PHACTR1: variants seen among roughly 807,000 people sequenced by gnomAD.
The protein encoded by PHACTR1 is phosphatase and actin regulator 1, also known as RPEL repeat containing 1.
A neutral mutation model predicts 69.2 loss-of-function variants in PHACTR1; 16 were observed. That is an observed-to-expected ratio of 0.23 (90% confidence interval 0.16 to 0.35). PHACTR1 has a LOEUF of 0.35. Among genes scored for constraint, PHACTR1 ranks in the 10% least tolerant of loss-of-function variants. PHACTR1 has a pLI of 1.00. For missense variants in PHACTR1, 510 were observed against 734.7 expected (o/e 0.69, Z 3.54); for synonymous variants, 312 against 284.5 (o/e 1.10, Z -0.97).
At chr6:13,025,018 G>A (rs576576109) in intron 4 of PHACTR1, among the ~76,000 whole-genome samples, 1 of 152,278 alleles carries the variant, frequency 6.6e-6, no homozygotes, top group South Asian at 2.1e-4. Flanking sequence ...TATCAGGCCA[G>A]GCCCAAGCTG....
At chr6:13,149,780 C>A (rs1243587990) in intron 5 of PHACTR1, among the ~76,000 whole-genome samples, 1 of 151,966 alleles carries the variant, frequency 6.6e-6, no homozygotes, top group Non-Finnish European at 1.5e-5. Context: ...TGAATGCAGT[C>A]CAACACAAAT....
intron 4 of PHACTR1, among the ~76,000 whole-genome samples, chr6:12,868,667 A>G (rs1275389137): frequency 2.6e-5 from 4 of 152,170 alleles, no homozygotes; most frequent in Non-Finnish European, 5.9e-5. Flanking sequence ...AAGTTGTCAA[A>G]TTCTTTCTTA....
At chr6:12,995,682 A>G (rs1797344541) in intron 4 of PHACTR1, among the ~76,000 whole-genome samples, 1 of 152,032 alleles carries the variant, frequency 6.6e-6, no homozygotes, top group South Asian at 2.1e-4. Context: ...CTTAATAATG[A>G]TAAAGGGAAT....
intron 4 of PHACTR1, chr6:12,958,007 T>G (rs1426719571): frequency 1.0e-6 from 1 of 985,284 alleles, no homozygotes; most frequent in East Asian, 1.1e-4. Flanking sequence ...CGGATGCATG[T>G]GGGAGCAAAG....
intron 4 of PHACTR1, among the ~76,000 whole-genome samples, chr6:12,788,074 C>A (rs1286787076): frequency 6.6e-6 from 1 of 151,770 alleles, no homozygotes; most frequent in Non-Finnish European, 1.5e-5. Context: ...AGGAGGATAG[C>A]GTGAGTCTGG....
chr6:13,280,958 T>G, intron 12 of PHACTR1: 2 of 1,289,070 alleles, frequency 1.6e-6, no homozygotes, highest in Non-Finnish European at 2.0e-6. Flanking sequence ...GGTGGCCGTT[T>G]GTTAGTGCTG....
At chr6:12,816,226 C>A (rs150969221) in intron 4 of PHACTR1, among the ~76,000 whole-genome samples, 2 of 152,292 alleles carry the variant, frequency 1.3e-5, no homozygotes, top group African/African-American at 4.8e-5. Flanking sequence ...TTGATGATAC[C>A]TGATATATGC....
chr6:12,741,497 C>T (rs950109111), intron 3 of PHACTR1, among the ~76,000 whole-genome samples: 1 of 152,018 alleles, frequency 6.6e-6, no homozygotes, highest in Non-Finnish European at 1.5e-5. Context: ...ACTTGTGTAA[C>T]CACAAACTAT....
At chr6:12,727,061 T>G (rs1394612452) in intron 3 of PHACTR1, among the ~76,000 whole-genome samples, 2 of 152,194 alleles carry the variant, frequency 1.3e-5, no homozygotes, top group Non-Finnish European at 2.9e-5. Context: ...GTTATTGTTT[T>G]TCTCCATCAC....
chr6:13,230,166 G>A lies in PHACTR1; in HGVS notation c.1364G>A (p.Arg455Lys), dbSNP rs1232556327. 11 of 1,610,914 alleles carry A rather than the reference G, an allele frequency of 6.8e-6. No homozygotes were observed. Among genetic ancestry groups the A allele is most frequent in the Non-Finnish European group, 8.5e-6 (10 of 1,178,888 alleles). Residue 455 changes from arginine (R) to lysine (K), a missense_variant, in exon 10 of 15, where the codon AGG becomes AAG. Around this residue, in one of 2 missense-constraint regions of PHACTR1, gnomAD observed 91 missense variants for 203.8 expected, o/e 0.45. Coordinates refer to ENST00000332995, the MANE Select transcript of PHACTR1 (RefSeq NM_030948.6). ...RQTDEERLEL[R>K]QQIGTKLTRR... The stretch of plus-strand genomic sequence containing the variant: ...ACGGATGAGGAGCGGCTGGAGCTGA[G>A]GCAACAGATTGGCACCAAGCTCACC...
chr6:12,778,061 G>T (rs747888257), intron 4 of PHACTR1, among the ~76,000 whole-genome samples: 1 of 152,160 alleles, frequency 6.6e-6, no homozygotes, highest in Non-Finnish European at 1.5e-5. Context: ...GATACAAGGG[G>T]AAGTCTCAAG....
In PHACTR1 at chr6:13,228,011, A is replaced by AGAAGAGGAG; in HGVS notation, c.1194_1202dup (p.Glu399_Glu401dup). The AGAAGAGGAG allele has an allele frequency of 1.2e-6, 2 of 1,614,010 alleles. No individual in the cohort carries two copies. Among genetic ancestry groups the AGAAGAGGAG allele is most frequent in the Non-Finnish European group, 1.7e-6 (2 of 1,179,904 alleles). ...AAGACTCTTCTTGCCTGTATACAAG[A>AGAAGAGGAG]GAAGAGGAGGAAGAGGAGGAGGACG... On this transcript the variant is annotated inframe_insertion, in exon 9 of 15. Transcript: ENST00000332995.
chr6:13,138,526 T>C (rs181092169), intron 5 of PHACTR1, among the ~76,000 whole-genome samples: 1 of 152,302 alleles, frequency 6.6e-6, no homozygotes, highest in East Asian at 1.9e-4. Flanking sequence ...TGCTAGAAAC[T>C]GTGGTAGTGT....
At chr6:13,026,931 A>G (rs1343321318) in intron 4 of PHACTR1, among the ~76,000 whole-genome samples, 1 of 152,170 alleles carries the variant, frequency 6.6e-6, no homozygotes, top group Non-Finnish European at 1.5e-5. Context: ...TAAAAATAAA[A>G]AATAAAAAAA....
At chr6:13,224,443 A>G (rs762509835) in intron 8 of PHACTR1, among the ~76,000 whole-genome samples, 4 of 152,204 alleles carry the variant, frequency 2.6e-5, no homozygotes, top group Non-Finnish European at 5.9e-5. Context: ...AGAAGTGGGA[A>G]TGAGTCTGGG....
intron 1 of PHACTR1, 68 bp downstream of exon 1, chr6:12,716,964 G>A (rs569618094): frequency 6.8e-6 from 1 of 147,074 alleles, no homozygotes; most frequent in Admixed American, 6.7e-5. Context: ...CTTTGCCGGG[G>A]ATGGGGGTTG....
At chr6:13,222,104 G>A (rs551947628) in intron 8 of PHACTR1, among the ~76,000 whole-genome samples, 59 of 152,130 alleles carry the variant, frequency 3.9e-4, no homozygotes, top group Non-Finnish European at 6.8e-4. Context: ...GTTTACCTGC[G>A]GTTTTAGAAG....
chr6:12,733,268 G>A (rs1196311955), intron 3 of PHACTR1, among the ~76,000 whole-genome samples: 1 of 152,194 alleles, frequency 6.6e-6, no homozygotes, highest in Non-Finnish European at 1.5e-5. Flanking sequence ...CATTTTACAG[G>A]TGGTAAAACT....
At chr6:12,994,424 G>T (rs1231655109) in intron 4 of PHACTR1, among the ~76,000 whole-genome samples, 1 of 152,092 alleles carries the variant, frequency 6.6e-6, no homozygotes, top group Non-Finnish European at 1.5e-5. Flanking sequence ...GCTGACTGGG[G>T]TGTTATACTG....
Sources: allele counts gnomAD v4.1 joint callset (sites outside exome capture counted in the v4.1 genomes callset), GRCh38; gene constraint gnomAD v4.1.1; regional missense constraint gnomAD v4.1.1; transcripts MANE v1.5; gene names NCBI Gene and HGNC (gene_info 2026-07-23, HGNC 2026-07-21).